DYNC1H1: variants seen among roughly 807,000 people sequenced by gnomAD.
The protein encoded by DYNC1H1 is cytoplasmic dynein 1 heavy chain 1.
Under a neutral mutation model 527.1 loss-of-function variants are expected in DYNC1H1, and 51 were observed. That is an observed-to-expected ratio of 0.10 (90% CI 0.08 to 0.12). DYNC1H1 has a LOEUF of 0.12. DYNC1H1 is among the 10% of genes least tolerant of loss of function. The probability of loss-of-function intolerance (pLI) is 1.00; values close to 1 mark genes in which losing one functional copy is unlikely to be tolerated. For missense variants in DYNC1H1, 2,771 were observed against 5,971.8 expected (o/e 0.46, Z 17.66); for synonymous variants, 2,189 against 2,278.8 (o/e 0.96, Z 1.12).
intron 1 of DYNC1H1, among the ~76,000 whole-genome samples, chr14:101,968,376 CG>C (rs1425935192): frequency 2.6e-5 from 4 of 152,056 alleles, no homozygotes; most frequent in Non-Finnish European, 5.9e-5. Flanking sequence ...ATTGCCACCT[CG>C]GCCTCCTGGG....
intron 73 of DYNC1H1, 116 bp from the exon 74 acceptor site, chr14:102,048,400 C>G (rs558282196): frequency 8.6e-6 from 12 of 1,402,368 alleles, no homozygotes; most frequent in Middle Eastern, 2.2e-4. Context: ...GTCCGTGACC[C>G]TGGACAGTTC....
At chr14:101,980,692 T>C in intron 5 of DYNC1H1, 142 bp downstream of exon 5, 1 of 990,034 alleles carries the variant, frequency 1.0e-6, no homozygotes, top group Non-Finnish European at 1.5e-6. Flanking sequence ...TCACATCTTA[T>C]CTTTCCCTCA....
Position 102,016,328 on chromosome 14 carries a change from G to T in DYNC1H1, c.7474-21G>T, listed in dbSNP as rs763648176. ...TTGTTGAAATTTTATAAAAATCAAA[G>T]TTTAATTCCCTTTTTAATAGCGATA... On this transcript the variant is annotated intron_variant, in intron 36 of 77. Transcript: ENST00000360184. This position sits in a 1 kb window ranked among gnomAD's most constrained non-coding sequence, Gnocchi z 7.3. 1.2e-6 allele frequency: 2 copies of T among 1,613,972 alleles called. No individual in the cohort carries two copies. Among genetic ancestry groups the T allele is most frequent in the Non-Finnish European group, 1.7e-6 (2 of 1,179,990 alleles).
rs1417590029 is a variant in DYNC1H1, at chr14:102,029,973, G to A, written c.9762+35G>A. ...CAGGGAATTCTGGCCTGTAAGGACTGAGCATTTTCAGTCTCCAATGAGAGA... is the reference window on the plus strand; with the variant it reads ...CAGGGAATTCTGGCCTGTAAGGACTAAGCATTTTCAGTCTCCAATGAGAGA... On this transcript the variant is annotated intron_variant, in intron 50 of 77. Coordinates refer to ENST00000360184, the MANE Select transcript of DYNC1H1 (RefSeq NM_001376.5). The surrounding 1 kb of genome is among the most constrained non-coding windows in gnomAD (Gnocchi z 5.3). The A allele has an allele frequency of 2.5e-6, 4 of 1,613,902 alleles. No homozygotes were observed. The East Asian group carries it at 8.9e-5, about 36-fold the overall frequency.
chr14:101,989,467 A>G (rs1364388833), intron 10 of DYNC1H1, among the ~76,000 whole-genome samples: 1 of 152,214 alleles, frequency 6.6e-6, no homozygotes, highest in Non-Finnish European at 1.5e-5. Flanking sequence ...TAAACAACTG[A>G]ATAATTCTGT....
rs2048311406 is a variant in DYNC1H1, at chr14:102,015,646, C to T, written c.7243-210C>T. On this transcript the variant is annotated intron_variant, in intron 35 of 77. Transcript: ENST00000360184. The surrounding 1 kb of genome is among the most constrained non-coding windows in gnomAD (Gnocchi z 6.9). ...TTCTCTACAAATTGATGAAAGACTG[C>T]CCTTTTCCATGTTCAGTGGGAAAAC... 6.6e-6 allele frequency among the ~76,000 whole-genome samples: 1 copy of T among 152,162 alleles called. No homozygotes were observed. The highest frequency in any genetic ancestry group is 6.5e-5 in the Admixed American group (1 of 15,268).
At position 102,038,407 on chromosome 14, in the gene DYNC1H1, G is replaced by A; in HGVS notation, c.10909-53G>A. The A allele has an allele frequency of 6.2e-7, 1 of 1,609,452 alleles. No individual in the cohort carries two copies. Among genetic ancestry groups the A allele is most frequent in the Non-Finnish European group, 8.5e-7 (1 of 1,179,552 alleles). ...TAGGACAGCAACATAGCATTTGGGT[G>A]AAGATAAAGTTACAAAGCCCTGACC... On this transcript the variant is annotated intron_variant, in intron 57 of 77. Coordinates refer to ENST00000360184, the MANE Select transcript of DYNC1H1 (RefSeq NM_001376.5). The surrounding 1 kb of genome is among the most constrained non-coding windows in gnomAD (Gnocchi z 7.2).
Position 101,975,910 on chromosome 14 carries a change from C to G in DYNC1H1, c.344+111C>G, listed in dbSNP as rs556637265. 156 of 681,536 alleles carry G rather than the reference C, an allele frequency of 2.3e-4. No individual in the cohort carries two copies. In the African/African-American group the frequency reaches 2.5e-3, roughly 11 times the overall value. The allele number at this position is 681,536 out of a possible 1,614,324, so 42.2% of individuals were successfully genotyped here. A position where few individuals can be genotyped will look rare whatever the true frequency, so the allele number is the denominator to read the frequency against. Reference sequence around the variant, plus strand: ...TCTTACTAAGAGAATTAATATAAATCTTTTTTTTTTTTTTGAGACGGAGTT... The same window carrying G: ...TCTTACTAAGAGAATTAATATAAATGTTTTTTTTTTTTTTGAGACGGAGTT... On this transcript the variant is annotated intron_variant, in intron 2 of 77. Transcript: ENST00000360184.
intron 1 of DYNC1H1, among the ~76,000 whole-genome samples, chr14:101,967,160 C>T (rs1429443531): frequency 6.6e-6 from 1 of 152,120 alleles, no homozygotes; most frequent in Non-Finnish European, 1.5e-5. Flanking sequence ...CCTGGCTACA[C>T]TAGGACACCT....
At chr14:101,994,893 A>C in intron 13 of DYNC1H1, 44 bp downstream of exon 13, 1 of 1,614,090 alleles carries the variant, frequency 6.2e-7, no homozygotes, top group Non-Finnish European at 8.5e-7. Context: ...GGTAGTGTAA[A>C]AGCAACATTT....
chr14:102,039,580 G>C lies in DYNC1H1; in HGVS notation c.11595+34G>C. Reference sequence around the variant, plus strand: ...AGGTCCTCAGCCGCTCCCTGGCGGGGGGGAAGCAGGGTGCTGCTTCTCTTA... The same window carrying C: ...AGGTCCTCAGCCGCTCCCTGGCGGGCGGGAAGCAGGGTGCTGCTTCTCTTA... On this transcript the variant is annotated intron_variant, in intron 61 of 77. Transcript: ENST00000360184. This position sits in a 1 kb window ranked among gnomAD's most constrained non-coding sequence, Gnocchi z 7.0. 1 of 1,614,236 alleles carries C rather than the reference G, an allele frequency of 6.2e-7. No homozygotes were observed. The highest frequency in any genetic ancestry group is 8.5e-7 in the Non-Finnish European group (1 of 1,180,032).
At chr14:102,047,655 A>ATATATATC (rs2048744199) in intron 72 of DYNC1H1, 162 bp from the exon 73 acceptor site, 1 of 528,598 alleles carries the variant, frequency 1.9e-6, no homozygotes, top group African/African-American at 2.2e-5. Flanking sequence ...ATATATATAT[A>ATATATATC]TATATATATG....
Position 102,029,813 on chromosome 14 carries a change from C to A in DYNC1H1, c.9643-6C>A. The A allele has an allele frequency of 6.2e-7, 1 of 1,614,122 alleles. No individual in the cohort carries two copies. The highest frequency in any genetic ancestry group is 1.1e-5 in the South Asian group (1 of 91,060). ...CTCGTCTCTGAGTGTGGGCTTTGCT[C>A]TTTAGGTAGAAGAACTGCGTCGTGA... is the stretch of plus-strand genomic sequence containing the variant. On this transcript the variant is annotated splice_region_variant and splice_polypyrimidine_tract_variant and intron_variant, in intron 49 of 77. Coordinates refer to ENST00000360184, the MANE Select transcript of DYNC1H1 (RefSeq NM_001376.5). This position sits in a 1 kb window ranked among gnomAD's most constrained non-coding sequence, Gnocchi z 5.3.
chr14:102,050,261 C>T lies in DYNC1H1; in HGVS notation c.13812+63C>T, dbSNP rs185223287. 2,599 of 1,612,984 alleles carry T rather than the reference C, an allele frequency of 1.6e-3. 3 individuals carry two copies. The highest frequency in any genetic ancestry group is 2.0e-3 in the Non-Finnish European group (2,392 of 1,179,536). The stretch of plus-strand genomic sequence containing the variant: ...ACCCCTGCGGTAACAAGGGCAGAGG[C>T]GGCTCCTCTTCTATGCCTGGGTTCC... On this transcript the variant is annotated intron_variant, in intron 77 of 77. Transcript: ENST00000360184.
At chr14:102,025,077 T>G (rs1188210069) in intron 43 of DYNC1H1, among the ~76,000 whole-genome samples, 1 of 151,908 alleles carries the variant, frequency 6.6e-6, no homozygotes, top group Non-Finnish European at 1.5e-5. Flanking sequence ...GGCTCACGCC[T>G]GTAATCCCAA....
intron 34 of DYNC1H1, among the ~76,000 whole-genome samples, chr14:102,013,196 C>G (rs2048277845): frequency 7.0e-6 from 1 of 142,792 alleles, no homozygotes; most frequent in East Asian, 2.1e-4. Context: ...TTGCAGTGAG[C>G]CGAGATCGCG....
In DYNC1H1 at chr14:102,027,364, C is replaced by T; in HGVS notation, c.8887-19C>T. On this transcript the variant is annotated intron_variant, in intron 45 of 77. Transcript: ENST00000360184. The surrounding 1 kb of genome is among the most constrained non-coding windows in gnomAD (Gnocchi z 7.7). ...GCTCAGTGAGTAGGAATGGACCTAA[C>T]TTGCCTCTGCTTCTGTAGGTCCATA... 1 of 1,614,132 alleles carries T rather than the reference C, an allele frequency of 6.2e-7. No individual in the cohort carries two copies. The highest frequency in any genetic ancestry group is 8.5e-7 in the Non-Finnish European group (1 of 1,180,032).
intron 11 of DYNC1H1, among the ~76,000 whole-genome samples, chr14:101,992,340 G>A (rs759801248): frequency 1.3e-5 from 2 of 152,092 alleles, no homozygotes; most frequent in African/African-American, 2.4e-5. Context: ...GGCTAAAATC[G>A]TGGTGATGTT....
At chr14:101,994,887 G>C in intron 13 of DYNC1H1, 38 bp downstream of exon 13, 3 of 1,614,112 alleles carry the variant, frequency 1.9e-6, no homozygotes, top group Non-Finnish European at 2.5e-6. Flanking sequence ...GTCACGGGTA[G>C]TGTAAAAGCA....
Sources: allele counts gnomAD v4.1 joint callset (sites outside exome capture counted in the v4.1 genomes callset), GRCh38; gene constraint gnomAD v4.1.1; non-coding constraint Gnocchi (gnomAD v3.1); transcripts MANE v1.5; gene names NCBI Gene and HGNC (gene_info 2026-07-23, HGNC 2026-07-21).